The following SPRED1 variants were observed in gnomAD, a reference collection of about 807,000 sequenced individuals.
SPRED1 encodes sprouty related EVH1 domain containing 1.
A neutral mutation model predicts 52.3 loss-of-function variants in SPRED1; 18 were observed. The ratio of observed to expected loss-of-function variants is 0.34; its 90% CI spans 0.24 to 0.51. SPRED1 has a LOEUF of 0.51. Ranked by LOEUF, SPRED1 falls within the 20% of genes least tolerant of loss-of-function variation. The probability of loss-of-function intolerance (pLI) is 0.97; values close to 1 mark genes in which losing one functional copy is unlikely to be tolerated. For synonymous variants in SPRED1, 155 were observed against 179.7 expected (o/e 0.86, Z 1.10); for missense variants, 485 against 551.0 (o/e 0.88, Z 1.20).
chr15:38,285,309 C>T (rs535592134), intron 1 of SPRED1, among the ~76,000 whole-genome samples: 24 of 152,240 alleles, frequency 1.6e-4, no homozygotes, highest in African/African-American at 5.8e-4. Context: ...TGAGAGAGAT[C>T]ACAGAAGATA....
intron 1 of SPRED1, among the ~76,000 whole-genome samples, chr15:38,260,874 A>G (rs1295501872): frequency 6.6e-6 from 1 of 152,228 alleles, no homozygotes; most frequent in Non-Finnish European, 1.5e-5. Flanking sequence ...AAATAGGAAG[A>G]GTAAGAAACA....
At chr15:38,304,595 A>C (rs16966704) in intron 2 of SPRED1, among the ~76,000 whole-genome samples, 7,661 of 151,888 alleles carry the variant, frequency 0.05, 339 homozygotes, top group African/African-American at 0.11. Flanking sequence ...ATTTTCATCT[A>C]CTCATCTTAG....
At position 38,273,519 on chromosome 15, in the gene SPRED1, TAATATATATATATATATA is replaced by T. The variant is rs1484910259; in HGVS notation, c.32+20303_32+20320del. Among the ~76,000 whole-genome samples, 74 of 112,986 alleles carry T rather than the reference TAATATATATATATATATA, an allele frequency of 6.5e-4. 2 individuals carry two copies. The highest frequency in any genetic ancestry group is 2.0e-3 in the African/African-American group (63 of 31,540). The allele number at this position is 112,986 out of a possible 152,430, so 74.1% of individuals were successfully genotyped here. Reference sequence around the variant, plus strand: ...CTTAATTTTTATTTTTATGTATTATTAATATATATATATATATATATATATATATATATATATATGAAT... The same window carrying T: ...CTTAATTTTTATTTTTATGTATTATTTATATATATATATATATATATGAAT... On this transcript the variant is annotated intron_variant, in intron 1 of 6. Transcript: ENST00000299084.
chr15:38,257,588 C>T (rs1170156250), intron 1 of SPRED1, among the ~76,000 whole-genome samples: 1 of 152,112 alleles, frequency 6.6e-6, no homozygotes, highest in African/African-American at 2.4e-5. Context: ...TTTGGATGTG[C>T]TTGGCCTCTG....
At chr15:38,253,506 T>C (rs543779661) in intron 1 of SPRED1, among the ~76,000 whole-genome samples, 9 of 152,220 alleles carry the variant, frequency 5.9e-5, no homozygotes, top group Non-Finnish European at 8.8e-5. Flanking sequence ...GAGTAGAAAC[T>C]ACCCCTTTGC....
At chr15:38,298,033 A>G (rs1303305414) in intron 1 of SPRED1, among the ~76,000 whole-genome samples, 1 of 152,220 alleles carries the variant, frequency 6.6e-6, no homozygotes, top group South Asian at 2.1e-4. Flanking sequence ...TAAAAATCAT[A>G]ATAAAGACAA....
intron 1 of SPRED1, among the ~76,000 whole-genome samples, chr15:38,261,288 T>G (rs1408140157): frequency 6.6e-6 from 1 of 152,240 alleles, no homozygotes. Flanking sequence ...ACTTTGGGAT[T>G]TTAGTCCAAG....
chr15:38,273,856 A>G (rs1290519384), intron 1 of SPRED1, among the ~76,000 whole-genome samples: 1 of 152,180 alleles, frequency 6.6e-6, no homozygotes, highest in Non-Finnish European at 1.5e-5. Flanking sequence ...ATAAGTTGTC[A>G]TGAACCTACT....
intron 4 of SPRED1, among the ~76,000 whole-genome samples, chr15:38,326,792 T>C (rs1016552560): frequency 3.9e-5 from 6 of 152,112 alleles, no homozygotes; most frequent in Non-Finnish European, 8.8e-5. Context: ...GAAAACACTA[T>C]GCAGATGCAA....
At chr15:38,320,769 G>A (rs1895585436) in intron 2 of SPRED1, among the ~76,000 whole-genome samples, 1 of 152,046 alleles carries the variant, frequency 6.6e-6, no homozygotes, top group South Asian at 2.1e-4. Context: ...AATAATTAAG[G>A]TGTGTAGTTC....
chr15:38,324,211 A>G (rs1156240312), intron 3 of SPRED1, among the ~76,000 whole-genome samples: 1 of 152,154 alleles, frequency 6.6e-6, no homozygotes, highest in Non-Finnish European at 1.5e-5. Flanking sequence ...CTTTCTTATT[A>G]ATTTATTGAA....
Position 38,336,446 on chromosome 15 carries a change from A to G in SPRED1, c.424-3291A>G, listed in dbSNP as rs1374415070. 7.7e-5 allele frequency among the ~76,000 whole-genome samples: 11 copies of G among 142,174 alleles called. 1 individual carries two copies. The highest frequency in any genetic ancestry group is 2.8e-4 in the African/African-American group (11 of 39,488). 93.3% of individuals were successfully genotyped at this position (142,174 alleles called of 152,430 possible). A position where few individuals can be genotyped will look rare whatever the true frequency, so the allele number is the denominator to read the frequency against. ...TGTATATATATATATAATATTATAT[A>G]TATGTTATATATATAATATTTTATA... is the stretch of plus-strand genomic sequence containing the variant. On this transcript the variant is annotated intron_variant, in intron 4 of 6. Transcript: ENST00000299084.
chr15:38,322,183 G>C, intron 2 of SPRED1, 58 bp from the exon 3 acceptor site: 1 of 1,514,458 alleles, frequency 6.6e-7, no homozygotes, highest in Non-Finnish European at 9.2e-7. Flanking sequence ...GTATTTATGA[G>C]CTACATTAGA....
At chr15:38,339,659 T>C in intron 4 of SPRED1, 78 bp from the exon 5 acceptor site, 2 of 1,461,920 alleles carry the variant, frequency 1.4e-6, no homozygotes, top group Non-Finnish European at 1.9e-6. Context: ...AAATACTTTT[T>C]AGAGTGAAAG....
rs1319028012 is a variant in SPRED1 at position 38,253,205 on chromosome 15, C to T, written c.20C>T (p.Thr7Ile). The T allele has an allele frequency of 6.3e-7, 1 of 1,579,986 alleles. No individual in the cohort carries two copies. The highest frequency in any genetic ancestry group is 1.2e-5 in the South Asian group (1 of 86,400). The change falls in exon 1 of 7, where the codon ACT becomes ATT. Residue 7 changes from threonine (T) to isoleucine (I), a missense_variant. By Grantham distance (89) the Thr-to-Ile change is moderately conservative (BLOSUM62 -1). Coordinates refer to ENST00000299084, the MANE Select transcript of SPRED1 (RefSeq NM_152594.3). MSEETA[T>I]SDNDNSYARV... ...GGAAAGATGAGCGAGGAGACGGCGACTTCTGACAACGAGTAAGCGCCTCAT... is the reference window on the plus strand; with the variant it reads ...GGAAAGATGAGCGAGGAGACGGCGATTTCTGACAACGAGTAAGCGCCTCAT...
At chr15:38,297,691 C>CCTGT (rs146078073) in intron 1 of SPRED1, among the ~76,000 whole-genome samples, 33 of 152,118 alleles carry the variant, frequency 2.2e-4, no homozygotes, top group African/African-American at 6.5e-4. Flanking sequence ...TTTCCCAGAT[C>CCTGT]CTGATTTTGA....
At chr15:38,255,452 A>G (rs190879697) in intron 1 of SPRED1, among the ~76,000 whole-genome samples, 1 of 152,286 alleles carries the variant, frequency 6.6e-6, no homozygotes, top group East Asian at 1.9e-4. Context: ...ATTTAGCATA[A>G]TATTTTGGTA....
chr15:38,275,389 A>G (rs1168024082), intron 1 of SPRED1, among the ~76,000 whole-genome samples: 1 of 152,132 alleles, frequency 6.6e-6, no homozygotes, highest in Non-Finnish European at 1.5e-5. Context: ...CTTTGGAACC[A>G]TCCCATTACT....
intron 5 of SPRED1, among the ~76,000 whole-genome samples, chr15:38,347,298 T>C (rs868669426): frequency 1.6e-4 from 24 of 152,112 alleles, no homozygotes; most frequent in Non-Finnish European, 8.8e-5. Context: ...TGATATGCAG[T>C]ACCATATCTG....
Sources: allele counts gnomAD v4.1 joint callset (sites outside exome capture counted in the v4.1 genomes callset), GRCh38; gene constraint gnomAD v4.1.1; transcripts MANE v1.5; gene names NCBI Gene and HGNC (gene_info 2026-07-23, HGNC 2026-07-21).